TBC1D9: variants seen among roughly 807,000 people sequenced by gnomAD.
TBC1D9 encodes TBC1 domain family member 9A.
Under a neutral mutation model 132.0 loss-of-function variants are expected in TBC1D9, and 63 were observed. The observed-to-expected ratio is 0.48, with a 90% CI of 0.39 to 0.59. The LOEUF is 0.59. Among genes scored for constraint, TBC1D9 ranks in the 20% least tolerant of loss-of-function variants. The pLI, the probability that TBC1D9 is intolerant of heterozygous loss-of-function variation, is 0.00. For synonymous variants in TBC1D9, 610 were observed against 609.9 expected, an observed-to-expected ratio of 1.00 and a Z score of 0.00; for missense variants, 1,261 against 1,592.7, an observed-to-expected ratio of 0.79 and a Z score of 3.54.
At chr4:140,713,721 G>C in intron 1 of TBC1D9, among the ~76,000 whole-genome samples, 1 of 149,758 alleles carries the variant, frequency 6.7e-6, no homozygotes, top group South Asian at 2.1e-4. Context: ...CTGGGAGACA[G>C]AGTGAGACCC....
chr4:140,710,619 G>A (rs141932319), intron 1 of TBC1D9, among the ~76,000 whole-genome samples: 2 of 152,220 alleles, frequency 1.3e-5, no homozygotes, highest in African/African-American at 4.8e-5. Flanking sequence ...ACCCTCAAAA[G>A]GCCATGTCTT....
chr4:140,723,067 T>C (rs1738447959), intron 1 of TBC1D9, among the ~76,000 whole-genome samples: 1 of 152,234 alleles, frequency 6.6e-6, no homozygotes, highest in African/African-American at 2.4e-5. Context: ...ATTAGAGTTC[T>C]TCCAAACAAG....
At chr4:140,628,515 C>T in intron 16 of TBC1D9, 150 bp from the exon 17 acceptor site, 2 of 693,650 alleles carry the variant, frequency 2.9e-6, no homozygotes, top group African/African-American at 1.8e-5. Context: ...GGGTTAACAG[C>T]TCAGGAACCA....
chr4:140,634,520 C>T (rs1005025580), intron 15 of TBC1D9, among the ~76,000 whole-genome samples: 1 of 152,146 alleles, frequency 6.6e-6, no homozygotes, highest in African/African-American at 2.4e-5. Flanking sequence ...AACTAACTCC[C>T]ATAAAGAGAA....
chr4:140,681,920 C>G (rs575809880), intron 3 of TBC1D9, among the ~76,000 whole-genome samples: 105 of 152,320 alleles, frequency 6.9e-4, no homozygotes, highest in African/African-American at 2.4e-3. Context: ...TCTTAATTTA[C>G]ATGCTGGCAG....
intron 13 of TBC1D9, among the ~76,000 whole-genome samples, chr4:140,639,724 G>A (rs921855392): frequency 1.1e-4 from 17 of 152,206 alleles, no homozygotes; most frequent in Non-Finnish European, 2.2e-4. Context: ...ATGAACAAAT[G>A]CTTCAAAGAA....
rs35283552 is a variant in TBC1D9, at chr4:140,729,818, C to CAAAAAA, written c.130+26092_130+26097dup. On this transcript the variant is annotated intron_variant, in intron 1 of 20. Coordinates refer to ENST00000442267, the MANE Select transcript of TBC1D9 (RefSeq NM_015130.3). ...CTGGTGACAGAGCAAGATTCCATCTCAAAAAAAAAAAAAAAAAAAAAAAAA... is the reference window on the plus strand; with the variant it reads ...CTGGTGACAGAGCAAGATTCCATCTCAAAAAAAAAAAAAAAAAAAAAAAAAAAAAAA... Among the ~76,000 whole-genome samples the CAAAAAA allele has an allele frequency of 6.2e-3, 324 of 51,894 alleles. 46 individuals are homozygous for CAAAAAA. The highest frequency in any genetic ancestry group is 0.024 in the African/African-American group (297 of 12,552). The allele number at this position is 51,894 out of a possible 152,430, so 34.0% of individuals were successfully genotyped here.
intron 9 of TBC1D9, among the ~76,000 whole-genome samples, chr4:140,662,657 T>G (rs1737381772): frequency 6.6e-6 from 1 of 152,198 alleles, no homozygotes; most frequent in Admixed American, 6.5e-5. Context: ...GTAAGAGTAT[T>G]CCTAACAGTG....
intron 1 of TBC1D9, among the ~76,000 whole-genome samples, chr4:140,753,316 A>T (rs2111088807): frequency 6.6e-6 from 1 of 151,936 alleles, no homozygotes; most frequent in Non-Finnish European, 1.5e-5. Flanking sequence ...CCGGATTTGA[A>T]TGCCTAGGCT....
At chr4:140,663,581 T>C (rs1416377772) in intron 9 of TBC1D9, among the ~76,000 whole-genome samples, 2 of 152,150 alleles carry the variant, frequency 1.3e-5, no homozygotes, top group Non-Finnish European at 2.9e-5. Flanking sequence ...TGAAGAAATA[T>C]CTGCATCCTA....
At chr4:140,710,435 G>A (rs1738224988) in intron 1 of TBC1D9, among the ~76,000 whole-genome samples, 1 of 152,262 alleles carries the variant, frequency 6.6e-6, no homozygotes, top group Non-Finnish European at 1.5e-5. Context: ...GTTCATATAA[G>A]TACTCACAAA....
intron 13 of TBC1D9, among the ~76,000 whole-genome samples, chr4:140,641,114 A>AAAAAAAAAAAAAAAAAAAAT (rs58361745): frequency 6.8e-6 from 1 of 146,388 alleles, no homozygotes; most frequent in Non-Finnish European, 1.5e-5. Flanking sequence ...ACAAAAAAAA[A>AAAAAAAAAAAAAAAAAAAAT]CAGAAGCAAA....
chr4:140,640,034 C>A lies in TBC1D9; in HGVS notation c.2338-606G>T, dbSNP rs552585561. 5.3e-5 allele frequency among the ~76,000 whole-genome samples: 8 copies of A among 152,254 alleles called. No individual in the cohort carries two copies. In the South Asian group the frequency reaches 1.5e-3, roughly 28 times the overall value. ...ATATCTTAGGGATGCAAAAGAAAGACAAAGAAACCCTGGTTAAAGTATGAA... is the reference window on the plus strand; with the variant it reads ...ATATCTTAGGGATGCAAAAGAAAGAAAAAGAAACCCTGGTTAAAGTATGAA... On this transcript the variant is annotated intron_variant, in intron 13 of 20. Transcript: ENST00000442267.
rs887993228 is a variant in TBC1D9, at chr4:140,676,984, G to A, written c.969C>T (p.His323=). ...TGGACACAAACATCTGCCCCAAAAT[G>A]TGCATTTTGTTAAATGGAGTCCAGA... ...CTLWTPFNKM[H]ILGQMFVSTN... is the part of the protein sequence containing the mutation. Residue 323 remains histidine (H), a synonymous_variant, in exon 6 of 21, where the codon CAC becomes CAT. Coordinates refer to ENST00000442267, the MANE Select transcript of TBC1D9 (RefSeq NM_015130.3). 3.1e-6 allele frequency: 5 copies of A among 1,613,922 alleles called. No homozygotes were observed. The highest frequency in any genetic ancestry group is 4.5e-5 in the East Asian group (2 of 44,876).
At chr4:140,743,867 G>C (rs1738797110) in intron 1 of TBC1D9, among the ~76,000 whole-genome samples, 2 of 152,198 alleles carry the variant, frequency 1.3e-5, no homozygotes, top group African/African-American at 4.8e-5. Flanking sequence ...AGTGTCCCTA[G>C]AGCAGCAGGT....
intron 2 of TBC1D9, among the ~76,000 whole-genome samples, chr4:140,695,688 T>C (rs1462441274): frequency 6.6e-6 from 1 of 152,160 alleles, no homozygotes; most frequent in Non-Finnish European, 1.5e-5. Flanking sequence ...CTAGTCCTTA[T>C]AATGGGCAGA....
At chr4:140,673,953 G>A (rs1037886736) in intron 6 of TBC1D9, among the ~76,000 whole-genome samples, 4 of 152,298 alleles carry the variant, frequency 2.6e-5, no homozygotes, top group South Asian at 2.1e-4. Flanking sequence ...TCTTGATAGC[G>A]GCTTCCAGAC....
At chr4:140,728,597 G>A (rs1195525935) in intron 1 of TBC1D9, among the ~76,000 whole-genome samples, 2 of 152,020 alleles carry the variant, frequency 1.3e-5, no homozygotes, top group African/African-American at 2.4e-5. Context: ...GGGTTCAAGC[G>A]ATTCTTGTGC....
At chr4:140,698,091 A>C (rs1738003421) in intron 2 of TBC1D9, among the ~76,000 whole-genome samples, 1 of 152,198 alleles carries the variant, frequency 6.6e-6, no homozygotes, top group Non-Finnish European at 1.5e-5. Context: ...TCATCTGCTG[A>C]CTATGAAACG....
Sources: allele counts gnomAD v4.1 joint callset (sites outside exome capture counted in the v4.1 genomes callset), GRCh38; gene constraint gnomAD v4.1.1; transcripts MANE v1.5; gene names NCBI Gene and HGNC (gene_info 2026-07-23, HGNC 2026-07-21).